The following NCEH1 variants were observed in gnomAD, a reference collection of about 807,000 sequenced individuals.
NCEH1 encodes the protein neutral cholesterol ester hydrolase 1.
NCEH1 carries 9 observed loss-of-function variants against 25.4 expected under a neutral mutation model. The ratio of observed to expected loss-of-function variants is 0.35; its 90% confidence interval spans 0.21 to 0.62. The LOEUF (loss-of-function observed/expected upper bound fraction) is 0.62, where lower values mean the gene tolerates loss of function less well. Ranked by LOEUF, NCEH1 falls within the 20% of genes least tolerant of loss-of-function variation. NCEH1 has a pLI of 0.72. For synonymous variants in NCEH1, 200 were observed against 199.8 expected (o/e 1.00, Z -0.01); for missense variants, 412 against 501.1 (o/e 0.82, Z 1.70).
chr3:172,676,074 G>C (rs1250371610), intron 1 of NCEH1, among the ~76,000 whole-genome samples: 1 of 152,180 alleles, frequency 6.6e-6, no homozygotes, highest in South Asian at 2.1e-4. Context: ...TTTTCAGCAG[G>C]AAGTGGCCAC....
chr3:172,707,099 G>A (rs139172566), intron 1 of NCEH1, among the ~76,000 whole-genome samples: 8 of 152,088 alleles, frequency 5.3e-5, no homozygotes, highest in African/African-American at 1.7e-4. Context: ...CTCCAAAAAC[G>A]TGGTTCTAAC....
At chr3:172,636,251 AT>A (rs1313329441) in intron 3 of NCEH1, 164 bp from the exon 4 acceptor site, 1 of 457,742 alleles carries the variant, frequency 2.2e-6, no homozygotes, top group African/African-American at 1.9e-5. Flanking sequence ...AAAATAAACC[AT>A]TTTCTTGCAA....
At chr3:172,649,654 C>T (rs1236553077) in intron 1 of NCEH1, among the ~76,000 whole-genome samples, 1 of 152,170 alleles carries the variant, frequency 6.6e-6, no homozygotes, top group Non-Finnish European at 1.5e-5. Context: ...AAATGTTAGT[C>T]TAATTTAGAG....
At chr3:172,689,893 ATTATT>A (rs1260252591) in intron 1 of NCEH1, among the ~76,000 whole-genome samples, 5 of 148,820 alleles carry the variant, frequency 3.4e-5, no homozygotes, top group African/African-American at 7.4e-5. Context: ...TTTATTTTTT[ATTATT>A]TTATTTATTT....
At position 172,632,053 on chromosome 3, in the gene NCEH1, G is replaced by A. The variant is rs1324971869; in HGVS notation, c.*1422C>T. ...TGGAAGGAGGAGATGGGGGATCTAG[G>A]CAACACCAGGTGCCAGTGTACGCCC... On this transcript the variant is annotated 3_prime_UTR_variant, in exon 5 of 5. Transcript: ENST00000475381. 6.6e-6 allele frequency: 1 copy of A among 152,578 alleles called. No individual in the cohort carries two copies. The highest frequency in any genetic ancestry group is 1.5e-5 in the Non-Finnish European group (1 of 68,020). The allele number at this position is 152,578 out of a possible 1,614,324, so 9.5% of individuals were successfully genotyped here. A position where few individuals can be genotyped will look rare whatever the true frequency, so the allele number is the denominator to read the frequency against.
chr3:172,701,624 T>TTG lies in NCEH1; in HGVS notation c.138+9222_138+9223insCA, dbSNP rs1238026842. On this transcript the variant is annotated intron_variant, in intron 1 of 4. Transcript: ENST00000475381. Reference sequence around the variant, plus strand: ...GCCACCATGCCCAGCTAGTTTTTTTTTTTTTTTTTTTTTGTATTTTTAGTA... The same window carrying TTG: ...GCCACCATGCCCAGCTAGTTTTTTTTTGTTTTTTTTTTTTTGTATTTTTAGTA... 2.0e-5 allele frequency among the ~76,000 whole-genome samples: 3 copies of TTG among 147,352 alleles called. No individual in the cohort carries two copies. In the East Asian group the frequency reaches 5.9e-4, roughly 29 times the overall value.
At chr3:172,701,449 C>CTTTTTTTTTTTT (rs10701435) in intron 1 of NCEH1, among the ~76,000 whole-genome samples, 1,441 of 110,762 alleles carry the variant, frequency 0.013, 115 homozygotes, top group African/African-American at 0.04. Context: ...GGTCTTTTGC[C>CTTTTTTTTTTTT]TTTTTTTTTT....
intron 1 of NCEH1, among the ~76,000 whole-genome samples, chr3:172,678,461 G>C (rs1246753563): frequency 6.6e-6 from 1 of 152,152 alleles, no homozygotes; most frequent in Non-Finnish European, 1.5e-5. Flanking sequence ...TTGTTTTAAC[G>C]GATCCAAGAC....
At chr3:172,689,627 C>T (rs373092485) in intron 1 of NCEH1, among the ~76,000 whole-genome samples, 4 of 145,448 alleles carry the variant, frequency 2.8e-5, no homozygotes, top group African/African-American at 5.0e-5. Context: ...GGTAGACCAC[C>T]TGAGCGCCAG....
chr3:172,693,682 ATT>A (rs141987735), intron 1 of NCEH1, among the ~76,000 whole-genome samples: 1 of 152,074 alleles, frequency 6.6e-6, no homozygotes, highest in East Asian at 1.9e-4. Flanking sequence ...CAATAATACT[ATT>A]TTTCTTTTCA....
intron 1 of NCEH1, among the ~76,000 whole-genome samples, chr3:172,681,932 A>G (rs1187987634): frequency 6.6e-6 from 1 of 151,280 alleles, no homozygotes. Flanking sequence ...ACTGAACAAC[A>G]CTCCTTTTTC....
At chr3:172,672,940 TCA>T (rs1711725507) in intron 1 of NCEH1, among the ~76,000 whole-genome samples, 1 of 152,130 alleles carries the variant, frequency 6.6e-6, no homozygotes, top group African/African-American at 2.4e-5. Flanking sequence ...AGAGCCAGTC[TCA>T]CAGATGGTCC....
intron 1 of NCEH1, among the ~76,000 whole-genome samples, chr3:172,689,673 T>C (rs1712918786): frequency 6.8e-6 from 1 of 147,234 alleles, no homozygotes; most frequent in Admixed American, 6.7e-5. Flanking sequence ...ATTGTACCAC[T>C]GCACTCCAGC....
chr3:172,653,735 G>GTTTTTTTTTTTTTTTTTTTTTT (rs1553830302), intron 1 of NCEH1, among the ~76,000 whole-genome samples: 8 of 71,026 alleles, frequency 1.1e-4, no homozygotes, highest in African/African-American at 3.6e-4. Context: ...TTGTTGTTCT[G>GTTTTTTTTTTTTTTTTTTTTTT]TTTTTTTTGT....
intron 1 of NCEH1, among the ~76,000 whole-genome samples, chr3:172,698,360 G>A (rs981241622): frequency 2.0e-5 from 3 of 152,146 alleles, no homozygotes; most frequent in Admixed American, 6.5e-5. Flanking sequence ...TCACAAACAA[G>A]GAAGAACTGT....
At chr3:172,644,567 C>T (rs895186089) in intron 3 of NCEH1, among the ~76,000 whole-genome samples, 2 of 152,190 alleles carry the variant, frequency 1.3e-5, no homozygotes, top group African/African-American at 4.8e-5. Flanking sequence ...ATTCCCCTAC[C>T]CCATCTATGC....
At chr3:172,682,291 T>A (rs1712424724) in intron 1 of NCEH1, among the ~76,000 whole-genome samples, 1 of 152,218 alleles carries the variant, frequency 6.6e-6, no homozygotes, top group Non-Finnish European at 1.5e-5. Context: ...TGGGAAGGCT[T>A]CTAAGACTTC....
chr3:172,698,158 G>A (rs1166735630), intron 1 of NCEH1, among the ~76,000 whole-genome samples: 1 of 151,840 alleles, frequency 6.6e-6, no homozygotes, highest in African/African-American at 2.4e-5. Flanking sequence ...TGTATTTTTA[G>A]TAGAGATGGG....
intron 1 of NCEH1, 140 bp downstream of exon 1, chr3:172,710,707 C>T (rs1714250392): frequency 1.1e-6 from 1 of 880,410 alleles, no homozygotes; most frequent in Admixed American, 2.7e-5. Flanking sequence ...AAATTCCCGA[C>T]TGGACCACCT....
Sources: gnomAD v4.1 joint callset for allele counts (sites outside exome capture counted in the v4.1 genomes callset) on GRCh38, gnomAD v4.1.1 for gene constraint, MANE v1.5 for transcripts, NCBI Gene and HGNC (gene_info 2026-07-23, HGNC 2026-07-21) for gene names.